KRT86: variants seen among roughly 807,000 people sequenced by gnomAD.
The protein encoded by KRT86 is keratin 86.
Under a neutral mutation model 41.2 loss-of-function variants are expected in KRT86, and 30 were observed. The observed-to-expected ratio is 0.73, with a 90% CI of 0.54 to 0.99. KRT86 has a LOEUF of 0.99. Ranked by LOEUF, KRT86 falls within the 50% of genes least tolerant of loss-of-function variation. The pLI, the probability that KRT86 is intolerant of heterozygous loss-of-function variation, is 0.00. For missense variants in KRT86, 561 were observed against 571.4 expected, an observed-to-expected ratio of 0.98 and a Z score of 0.19; for synonymous variants, 238 against 238.1, an observed-to-expected ratio of 1.00 and a Z score of 0.00.
intron 2 of KRT86, among the ~76,000 whole-genome samples, chr12:52,284,508 T>G (rs530250705): frequency 1.3e-5 from 2 of 152,342 alleles, no homozygotes; most frequent in South Asian, 4.1e-4. Flanking sequence ...GCTTCTGAGC[T>G]GTGTGATGTC....
At chr12:52,295,183 A>G (rs747729646) in intron 2 of KRT86, among the ~76,000 whole-genome samples, 29 of 152,288 alleles carry the variant, frequency 1.9e-4, no homozygotes, top group Non-Finnish European at 3.5e-4. Context: ...TTTTATGACT[A>G]TTCTTCCAAA....
At chr12:52,285,549 G>C (rs577382935) in intron 2 of KRT86, among the ~76,000 whole-genome samples, 2 of 152,310 alleles carry the variant, frequency 1.3e-5, no homozygotes, top group South Asian at 2.1e-4. Context: ...TCAGTTTGCA[G>C]ATATGCATGA....
chr12:52,275,587 C>T (rs1942544799), intron 1 of KRT86, among the ~76,000 whole-genome samples: 1 of 152,232 alleles, frequency 6.6e-6, no homozygotes, highest in Admixed American at 6.5e-5. Context: ...TGCTGCCCTT[C>T]CTGCCTGAGT....
At chr12:52,304,420 T>C (rs1233773116) in intron 5 of KRT86, among the ~76,000 whole-genome samples, 1 of 141,336 alleles carries the variant, frequency 7.1e-6, no homozygotes, top group Admixed American at 7.1e-5. Context: ...TGTGTCCTGC[T>C]CTGTTCCAGA....
Position 52,305,930 on chromosome 12 carries a change from T to A in KRT86, c.1027-130T>A, listed in dbSNP as rs12815182. 13,730 of 1,570,120 alleles carry A rather than the reference T, an allele frequency of 8.7e-3. 116 individuals are homozygous for A. The highest frequency in any genetic ancestry group is 0.031 in the South Asian group (2,713 of 88,012). ...AGTCCCTGGTTGTGGTCTCTGTGAG[T>A]CCCAGGTGATGAAGGCAAGAGGCTC... On this transcript the variant is annotated intron_variant, in intron 8 of 10. Coordinates refer to ENST00000423955, the MANE Select transcript of KRT86 (RefSeq NM_001320198.2).
chr12:52,304,540 C>T (rs1938455892), intron 5 of KRT86, among the ~76,000 whole-genome samples: 1 of 151,720 alleles, frequency 6.6e-6, no homozygotes, highest in South Asian at 2.1e-4. Context: ...GAGGCAGAGA[C>T]ACAATCCCAG....
intron 2 of KRT86, among the ~76,000 whole-genome samples, chr12:52,297,128 T>A (rs938596582): frequency 3.6e-4 from 55 of 152,248 alleles, no homozygotes; most frequent in African/African-American, 1.3e-3. Context: ...TCATCAACAC[T>A]GTCCTGCCCG....
In KRT86 at chr12:52,308,519, CACT is replaced by C; in HGVS notation, c.1400_1402del (p.Thr467del). On this transcript the variant is annotated inframe_deletion, in exon 11 of 11. Coordinates refer to ENST00000423955, the MANE Select transcript of KRT86 (RefSeq NM_001320198.2). ...CCAGCAACAGCAACGTGGTGGTGGG[CACT>C]ACTAACGCCTGCGCCCCCTCCGCCC... 1 of 1,605,360 alleles carries C rather than the reference CACT, an allele frequency of 6.2e-7. No individual in the cohort carries two copies. Among genetic ancestry groups the C allele is most frequent in the Non-Finnish European group, 8.5e-7 (1 of 1,179,880 alleles).
In KRT86 at chr12:52,308,638, A is replaced by G; in HGVS notation, c.*53A>G. On this transcript the variant is annotated 3_prime_UTR_variant, in exon 11 of 11. Coordinates refer to ENST00000423955, the MANE Select transcript of KRT86 (RefSeq NM_001320198.2). ...CGCCGTCACTCTCCACCCAGCCAGT[A>G]CCTCGCGCCACCAGAACGCGCCGCC... is the stretch of plus-strand genomic sequence containing the variant. 6.5e-7 allele frequency: 1 copy of G among 1,544,690 alleles called. No homozygotes were observed. The highest frequency in any genetic ancestry group is 8.8e-7 in the Non-Finnish European group (1 of 1,140,532).
chr12:52,274,798 A>G lies in KRT86; in HGVS notation c.-131+76A>G, dbSNP rs115351624. ...GACTTCACCCAGATCTGTTGGGCAT[A>G]CAGCTTTTGGGAACAGGAGCAGAAA... On this transcript the variant is annotated intron_variant, in intron 1 of 10. Coordinates refer to ENST00000423955, the MANE Select transcript of KRT86 (RefSeq NM_001320198.2). The G allele has an allele frequency of 6.1e-4, 575 of 939,194 alleles. 3 individuals carry two copies. The African/African-American group carries it at 9.5e-3, about 16-fold the overall frequency. The allele number at this position is 939,194 out of a possible 1,614,324, so 58.2% of individuals were successfully genotyped here.
chr12:52,304,524 G>T (rs1187279087), intron 5 of KRT86, among the ~76,000 whole-genome samples: 1 of 151,652 alleles, frequency 6.6e-6, no homozygotes, highest in Non-Finnish European at 1.5e-5. Context: ...TGGGGAGTCT[G>T]ACCTTGAGGC....
rs12824892 is a variant in KRT86, at chr12:52,304,472, A to T, written c.639+301A>T. ...TGAGGCCCCTGGAGCCATAGCAGAT[A>T]CAATGTCTCTGCTGAGAGACAGTGC... On this transcript the variant is annotated intron_variant, in intron 5 of 10. Transcript: ENST00000423955. Among the ~76,000 whole-genome samples, 99,976 of 143,220 alleles carry T rather than the reference A, an allele frequency of 0.7. 35,375 individuals carry two copies. The highest frequency in any genetic ancestry group is 0.85 in the African/African-American group (30,780 of 36,098). 94.0% of individuals were successfully genotyped at this position (143,220 alleles called of 152,430 possible).
At chr12:52,281,288 C>G (rs1937765949) in intron 2 of KRT86, among the ~76,000 whole-genome samples, 1 of 152,344 alleles carries the variant, frequency 6.6e-6, no homozygotes, top group South Asian at 2.1e-4. Context: ...CCTCTGTTGG[C>G]TCTGCATGCC....
chr12:52,308,172 T>C, intron 9 of KRT86, 61 bp from the exon 10 acceptor site: 1 of 1,610,172 alleles, frequency 6.2e-7, no homozygotes, highest in African/African-American at 1.3e-5. Flanking sequence ...CCCCTCCACT[T>C]CAGTCACGGG....
At chr12:52,294,769 A>G (rs1487666638) in intron 2 of KRT86, among the ~76,000 whole-genome samples, 2 of 152,074 alleles carry the variant, frequency 1.3e-5, no homozygotes, top group Non-Finnish European at 2.9e-5. Context: ...CCTCTCTTGC[A>G]TTTTGTGTTT....
rs568650704 is a variant in KRT86, at chr12:52,275,808, G to A, written c.-130-13G>A. On this transcript the variant is annotated splice_polypyrimidine_tract_variant and intron_variant, in intron 1 of 10. Coordinates refer to ENST00000423955, the MANE Select transcript of KRT86 (RefSeq NM_001320198.2). ...CTCCTGACTACAGCTCCCCTCTGCC[G>A]TCTGCTCCACAGTGTGAGGAATTAA... 2.0e-4 allele frequency: 194 copies of A among 985,480 alleles called. No homozygotes were observed. Among genetic ancestry groups the A allele is most frequent in the African/African-American group, 6.1e-4 (35 of 57,334 alleles). The allele number at this position is 985,480 out of a possible 1,614,324, so 61.0% of individuals were successfully genotyped here. A position where few individuals can be genotyped will look rare whatever the true frequency, so the allele number is the denominator to read the frequency against.
chr12:52,286,966 C>A, intron 2 of KRT86: 2 of 1,550,780 alleles, frequency 1.3e-6, no homozygotes, highest in Non-Finnish European at 1.8e-6. Context: ...ACTCACACAC[C>A]AGCCCTCCCC....
At chr12:52,282,827 T>C (rs1257708259) in intron 2 of KRT86, among the ~76,000 whole-genome samples, 1 of 151,928 alleles carries the variant, frequency 6.6e-6, no homozygotes, top group Admixed American at 6.6e-5. Context: ...TACCCACAAA[T>C]CTCCCTTTTT....
At chr12:52,293,202 C>A (rs1401461553) in intron 2 of KRT86, among the ~76,000 whole-genome samples, 1 of 152,138 alleles carries the variant, frequency 6.6e-6, no homozygotes, top group Non-Finnish European at 1.5e-5. Context: ...GAATATGTTT[C>A]TTTTTAATTG....
Sources: allele counts gnomAD v4.1 joint callset (sites outside exome capture counted in the v4.1 genomes callset), GRCh38; gene constraint gnomAD v4.1.1; transcripts MANE v1.5; gene names NCBI Gene and HGNC (gene_info 2026-07-23, HGNC 2026-07-21).